ACOT7: variants seen among roughly 807,000 people sequenced by gnomAD.
ACOT7 encodes acyl-CoA thioesterase 7.
A neutral mutation model predicts 40.2 loss-of-function variants in ACOT7; 12 were observed. That is an observed-to-expected ratio of 0.30 (90% CI 0.19 to 0.48). The LOEUF is 0.48. ACOT7 is among the 20% of genes least tolerant of loss of function. The pLI is 0.99. For missense variants in ACOT7, 395 were observed against 530.8 expected, an observed-to-expected ratio of 0.74 and a Z score of 2.51; for synonymous variants, 228 against 219.5, an observed-to-expected ratio of 1.04 and a Z score of -0.34.
At chr1:6,361,370 G>C (rs567118456) in intron 1 of ACOT7, among the ~76,000 whole-genome samples, 1 of 152,188 alleles carries the variant, frequency 6.6e-6, no homozygotes, top group East Asian at 1.9e-4. Context: ...GGTTAATTCC[G>C]GGGGTGATGA....
intron 1 of ACOT7, among the ~76,000 whole-genome samples, chr1:6,350,623 C>T (rs1490829419): frequency 6.6e-6 from 1 of 152,248 alleles, no homozygotes; most frequent in Non-Finnish European, 1.5e-5. Context: ...TCCCAGACAG[C>T]ACCCAGCTGA....
chr1:6,304,398 T>C (rs1640061220), intron 6 of ACOT7, among the ~76,000 whole-genome samples: 1 of 149,168 alleles, frequency 6.7e-6, no homozygotes, highest in Non-Finnish European at 1.5e-5. Context: ...ACGTTCTTTT[T>C]TTTTTTTTTT....
intron 8 of ACOT7, among the ~76,000 whole-genome samples, chr1:6,266,812 A>C (rs1638866885): frequency 6.6e-6 from 1 of 152,262 alleles, no homozygotes; most frequent in African/African-American, 2.4e-5. Flanking sequence ...ACCCTGTAGC[A>C]GGCAGAGCAA....
chr1:6,277,495 G>A (rs187453215), intron 8 of ACOT7, among the ~76,000 whole-genome samples: 13 of 152,310 alleles, frequency 8.5e-5, no homozygotes, highest in Admixed American at 3.3e-4. Context: ...GCCCATATGC[G>A]TGAGCCCCAT....
intron 5 of ACOT7, among the ~76,000 whole-genome samples, chr1:6,320,459 G>C (rs1033916985): frequency 1.3e-5 from 2 of 152,198 alleles, no homozygotes; most frequent in Admixed American, 1.3e-4. Flanking sequence ...CTTTCCTAGT[G>C]GGGTAGATTT....
At chr1:6,364,508 T>C (rs1641957777) in intron 1 of ACOT7, among the ~76,000 whole-genome samples, 2 of 137,076 alleles carry the variant, frequency 1.5e-5, no homozygotes, top group Admixed American at 8.0e-5. Context: ...GCCATTGCAC[T>C]CCAGCCAGGG....
At chr1:6,327,900 G>A (rs1279150102) in intron 4 of ACOT7, among the ~76,000 whole-genome samples, 1 of 151,738 alleles carries the variant, frequency 6.6e-6, no homozygotes, top group Non-Finnish European at 1.5e-5. Flanking sequence ...CAGCCTCCCC[G>A]GTACCTGGGA....
intron 2 of ACOT7, among the ~76,000 whole-genome samples, chr1:6,342,222 G>C (rs951544181): frequency 6.6e-6 from 1 of 152,160 alleles, no homozygotes; most frequent in Non-Finnish European, 1.5e-5. Flanking sequence ...GTGTCCTCAC[G>C]TGGTGGCCGG....
At chr1:6,326,265 C>T (rs1640795604) in intron 5 of ACOT7, among the ~76,000 whole-genome samples, 2 of 152,200 alleles carry the variant, frequency 1.3e-5, no homozygotes, top group South Asian at 4.1e-4. Flanking sequence ...GTTGCCTGCC[C>T]CCGAGGGCTC....
intron 2 of ACOT7, 76 bp downstream of exon 2, chr1:6,349,673 T>A: frequency 7.0e-7 from 1 of 1,419,626 alleles, no homozygotes; most frequent in Non-Finnish European, 9.7e-7. Context: ...CAGGCCTGGC[T>A]CCCCGGGGAA....
chr1:6,316,909 G>A (rs780822728), intron 6 of ACOT7, among the ~76,000 whole-genome samples: 11 of 152,162 alleles, frequency 7.2e-5, no homozygotes, highest in Admixed American at 1.3e-4. Flanking sequence ...CTCTCTGTGG[G>A]TGCTGGAGCC....
intron 6 of ACOT7, among the ~76,000 whole-genome samples, chr1:6,296,889 A>G (rs1469184321): frequency 1.3e-5 from 2 of 152,132 alleles, no homozygotes; most frequent in Non-Finnish European, 2.9e-5. Flanking sequence ...TATTTCACTT[A>G]AAAATTTAAA....
chr1:6,348,268 G>A (rs1179877555), intron 2 of ACOT7, among the ~76,000 whole-genome samples: 3 of 151,960 alleles, frequency 2.0e-5, no homozygotes, highest in East Asian at 1.9e-4. Context: ...CCACATCCAC[G>A]TCCAACCATC....
chr1:6,326,382 T>C (rs771538210), intron 5 of ACOT7, among the ~76,000 whole-genome samples: 2 of 152,146 alleles, frequency 1.3e-5, no homozygotes, highest in Non-Finnish European at 2.9e-5. Flanking sequence ...AGGCAAAACA[T>C]CTCATCGTGC....
At position 6,393,414 on chromosome 1, in the gene ACOT7, G is replaced by A; in HGVS notation, c.-15C>T. 2 of 1,225,878 alleles carry A rather than the reference G, an allele frequency of 1.6e-6. No homozygotes were observed. 75.9% of individuals were successfully genotyped at this position (1,225,878 alleles called of 1,614,324 possible). On this transcript the variant is annotated 5_prime_UTR_variant, in exon 1 of 9. Transcript: ENST00000361521. ...GGCCGCGCCATAAAGGGGGAGGGCA[G>A]AGGTGGAGCGATGGGGCTGGTGAGG...
At chr1:6,365,580 T>C (rs201938184) in intron 1 of ACOT7, among the ~76,000 whole-genome samples, 5 of 151,930 alleles carry the variant, frequency 3.3e-5, no homozygotes, top group Admixed American at 2.6e-4. Context: ...CCATCCTGGC[T>C]AACACGGTGA....
chr1:6,281,453 C>T (rs1330477780), intron 7 of ACOT7, among the ~76,000 whole-genome samples, 167 bp from the exon 8 acceptor site: 1 of 152,230 alleles, frequency 6.6e-6, no homozygotes, highest in Non-Finnish European at 1.5e-5. Context: ...CGTTAGTTGC[C>T]CATGAATGTT....
chr1:6,271,606 C>T (rs1287602879), intron 8 of ACOT7, among the ~76,000 whole-genome samples: 3 of 148,712 alleles, frequency 2.0e-5, no homozygotes, highest in Admixed American at 1.3e-4. Flanking sequence ...GGAGCCTGTC[C>T]GCCATCCGCT....
chr1:6,331,875 C>T (rs1415147241), intron 4 of ACOT7, among the ~76,000 whole-genome samples: 2 of 152,202 alleles, frequency 1.3e-5, no homozygotes, highest in African/African-American at 2.4e-5. Context: ...TGGTCAGACA[C>T]GGAGCTGGGG....
Sources: gnomAD v4.1 joint callset for allele counts (sites outside exome capture counted in the v4.1 genomes callset) on GRCh38, gnomAD v4.1.1 for gene constraint, MANE v1.5 for transcripts, NCBI Gene and HGNC (gene_info 2026-07-23, HGNC 2026-07-21) for gene names.